The following PPP1R21 variants were observed in gnomAD, a reference collection of about 807,000 sequenced individuals.
PPP1R21 encodes protein phosphatase 1 regulatory subunit 21.
Under a neutral mutation model 112.8 loss-of-function variants are expected in PPP1R21, and 85 were observed. That is an observed-to-expected ratio of 0.75 (90% confidence interval 0.63 to 0.90). The LOEUF (loss-of-function observed/expected upper bound fraction) is 0.90, where lower values mean the gene tolerates loss of function less well. Ranked by LOEUF, PPP1R21 falls within the 40% of genes least tolerant of loss-of-function variation. The pLI, the probability that PPP1R21 is intolerant of heterozygous loss-of-function variation, is 0.00. For missense variants in PPP1R21, 1,199 were observed against 901.5 expected (o/e 1.33, Z -4.23); for synonymous variants, 381 against 322.3 (o/e 1.18, Z -1.95).
At chr2:48,455,089 C>T (rs533793698) in intron 3 of PPP1R21, among the ~76,000 whole-genome samples, 93 of 151,966 alleles carry the variant, frequency 6.1e-4, no homozygotes, top group African/African-American at 2.1e-3. Context: ...CCACCTGCCT[C>T]GGCCTCCCAA....
intron 7 of PPP1R21, 34 bp downstream of exon 7, chr2:48,461,266 A>T: frequency 6.7e-7 from 1 of 1,496,436 alleles, no homozygotes; most frequent in East Asian, 2.6e-5. Flanking sequence ...ATTATTTGTA[A>T]CTTTGAATCT....
intron 9 of PPP1R21, among the ~76,000 whole-genome samples, chr2:48,468,829 A>ATATGTGTG (rs1553339041): frequency 1.1e-4 from 16 of 146,542 alleles, no homozygotes; most frequent in Admixed American, 4.1e-4. Flanking sequence ...AAAAAAATGT[A>ATATGTGTG]TGTGTGTGTG....
In PPP1R21 at chr2:48,469,540, C is replaced by CAT. The variant is rs1437104391; in HGVS notation, c.898-1535_898-1534dup. 5.6e-4 allele frequency among the ~76,000 whole-genome samples: 40 copies of CAT among 71,548 alleles called. 5 individuals carry two copies. Among genetic ancestry groups the CAT allele is most frequent in the African/African-American group, 1.9e-3 (33 of 17,720 alleles). 46.9% of individuals were successfully genotyped at this position (71,548 alleles called of 152,430 possible). ...TATATATATATATATATATATAGAG[C>CAT]ATATATATATATAGAGAGAGAGAGA... On this transcript the variant is annotated intron_variant, in intron 9 of 21. Transcript: ENST00000294952.
At chr2:48,509,991 A>G in intron 19 of PPP1R21, 24 bp from the exon 20 acceptor site, 3 of 1,560,082 alleles carry the variant, frequency 1.9e-6, no homozygotes, top group Non-Finnish European at 2.6e-6. Context: ...CCCTCTAGTA[A>G]TGGAATGTTT....
At chr2:48,485,458 T>C (rs548793192) in intron 13 of PPP1R21, among the ~76,000 whole-genome samples, 1 of 152,314 alleles carries the variant, frequency 6.6e-6, no homozygotes, top group Admixed American at 6.5e-5. Flanking sequence ...CTGTGACAAC[T>C]GTACCATAGT....
At chr2:48,483,862 C>A (rs1208314777) in intron 13 of PPP1R21, among the ~76,000 whole-genome samples, 3 of 151,824 alleles carry the variant, frequency 2.0e-5, no homozygotes, top group East Asian at 1.9e-4. Context: ...TTTTAAATTT[C>A]TTTTTTATAG....
chr2:48,490,969 G>C, intron 14 of PPP1R21, 49 bp from the exon 15 acceptor site: 1 of 1,499,248 alleles, frequency 6.7e-7, no homozygotes, highest in Non-Finnish European at 9.3e-7. Context: ...ATATATTTTA[G>C]ATATATTGTT....
chr2:48,460,147 A>C lies in PPP1R21; in HGVS notation c.593A>C (p.Glu198Ala). ...KEAKECRLRT[E>A]ECQLQLKTLH... is the part of the protein sequence containing the mutation. Reference sequence around the variant, plus strand: ...GCCAAGGAATGTCGACTTCGAACGGAAGAATGGTATGTGGAAACTTGAATT... The same window carrying C: ...GCCAAGGAATGTCGACTTCGAACGGCAGAATGGTATGTGGAAACTTGAATT... Residue 198 changes from glutamate to alanine, a missense_variant, in exon 6 of 22, where the codon GAA becomes GCA. Physicochemically the swap from Glu to Ala is moderately radical, Grantham distance 107. Coordinates refer to ENST00000294952, the MANE Select transcript of PPP1R21 (RefSeq NM_001135629.3). 1 of 1,614,132 alleles carries C rather than the reference A, an allele frequency of 6.2e-7. No individual in the cohort carries two copies. Among genetic ancestry groups the C allele is most frequent in the Non-Finnish European group, 8.5e-7 (1 of 1,180,000 alleles).
chr2:48,480,307 C>T (rs1185218712), intron 13 of PPP1R21, among the ~76,000 whole-genome samples: 1 of 152,174 alleles, frequency 6.6e-6, no homozygotes, highest in Non-Finnish European at 1.5e-5. Flanking sequence ...TGTACAAAAC[C>T]AGACATGCTA....
chr2:48,465,726 T>C, intron 9 of PPP1R21, 84 bp downstream of exon 9: 1 of 1,216,526 alleles, frequency 8.2e-7, no homozygotes, highest in East Asian at 2.5e-5. Context: ...CTGTGCACCA[T>C]CCAAGTACTG....
In PPP1R21 at chr2:48,451,041, G is replaced by A. The variant is rs1667447720; in HGVS notation, c.91G>A (p.Val31Ile). The A allele has an allele frequency of 1.9e-6, 3 of 1,613,740 alleles. No individual in the cohort carries two copies. The highest frequency in any genetic ancestry group is 1.3e-5 in the African/African-American group (1 of 74,912). Residue 31 changes from valine to isoleucine, a missense_variant, in exon 2 of 22, where the codon GTT (valine) becomes ATT (isoleucine). Val to Ile is a conservative substitution (Grantham distance 29, BLOSUM62 3). Transcript: ENST00000294952. ...RAQNQVLKKGVVDEQANSAAL... is the reference protein window; with the variant it reads ...RAQNQVLKKGIVDEQANSAAL... ...TCAGAATCAGGTTCTGAAAAAAGGT[G>A]TTGTGGATGAACAAGCAAATTCTGC...
intron 20 of PPP1R21, among the ~76,000 whole-genome samples, chr2:48,510,756 A>G (rs145392327): frequency 0.015 from 2,269 of 152,358 alleles, 63 homozygotes; most frequent in Admixed American, 0.072. Context: ...ATCGAGGCAT[A>G]GGATGGAGGC....
rs1450622726 is a variant in PPP1R21, at chr2:48,498,741, T to C, written c.1935+6T>C. 2 of 1,613,266 alleles carry C rather than the reference T, an allele frequency of 1.2e-6. No individual in the cohort carries two copies. The highest frequency in any genetic ancestry group is 3.3e-5 in the Admixed American group (2 of 59,986). ...CCATTCAGAGCACCAGTCTAGTAAG[T>C]GTCTTCTTGGTTGTCCTCAGTTTTC... is the stretch of plus-strand genomic sequence containing the variant. On this transcript the variant is annotated splice_donor_region_variant and intron_variant, in intron 17 of 21. Transcript: ENST00000294952.
In PPP1R21 at chr2:48,515,380, T is replaced by C. The variant is rs1164566906; in HGVS notation, c.*636T>C. 11 of 152,190 alleles carry C rather than the reference T, an allele frequency of 7.2e-5. No individual in the cohort carries two copies. Among genetic ancestry groups the C allele is most frequent in the South Asian group, 2.1e-4 (1 of 4,834 alleles). The allele number at this position is 152,190 out of a possible 1,614,324, so 9.4% of individuals were successfully genotyped here. On this transcript the variant is annotated 3_prime_UTR_variant, in exon 22 of 22. Transcript: ENST00000294952. ...GTTCATGTCAATAAATTCATACTTA[T>C]ATCACACTTTCAGTCTCTCTATTAA...
intron 12 of PPP1R21, among the ~76,000 whole-genome samples, chr2:48,478,495 C>CT (rs1218143091): frequency 7.9e-5 from 12 of 152,238 alleles, no homozygotes; most frequent in Non-Finnish European, 1.5e-4. Flanking sequence ...TTCACTGTCT[C>CT]TTTCACTGAT....
intron 11 of PPP1R21, among the ~76,000 whole-genome samples, chr2:48,473,255 A>G (rs1212627503): frequency 1.3e-5 from 2 of 152,110 alleles, no homozygotes; most frequent in Non-Finnish European, 2.9e-5. Flanking sequence ...ATTATGAACT[A>G]ATAGTTTTAT....
intron 15 of PPP1R21, among the ~76,000 whole-genome samples, chr2:48,493,659 A>T (rs1017204842): frequency 4.6e-5 from 7 of 152,206 alleles, no homozygotes; most frequent in Non-Finnish European, 1.0e-4. Flanking sequence ...CTGATATAAG[A>T]TGTCAAAGAA....
At chr2:48,470,078 G>A (rs1299063487) in intron 9 of PPP1R21, among the ~76,000 whole-genome samples, 2 of 152,092 alleles carry the variant, frequency 1.3e-5, no homozygotes, top group Non-Finnish European at 2.9e-5. Context: ...GAGCTATTAT[G>A]TAACATTAGA....
In PPP1R21 at chr2:48,498,685, G is replaced by A. The variant is rs1230428701; in HGVS notation, c.1885G>A (p.Asp629Asn). 1.9e-6 allele frequency: 3 copies of A among 1,614,102 alleles called. No individual in the cohort carries two copies. The highest frequency in any genetic ancestry group is 2.5e-6 in the Non-Finnish European group (3 of 1,180,052). ...TGCTGTGTCAAATACTGCTGGCCAGGATGAAGCCACAGCTAAGGCTGTGTT... is the reference window on the plus strand; with the variant it reads ...TGCTGTGTCAAATACTGCTGGCCAGAATGAAGCCACAGCTAAGGCTGTGTT... ...NAAVSNTAGQ[D>N]EATAKAVLEP... The change falls in exon 17 of 22, where the codon GAT becomes AAT. Residue 629 changes from aspartate to asparagine, a missense_variant. Coordinates refer to ENST00000294952, the MANE Select transcript of PPP1R21 (RefSeq NM_001135629.3).
Sources: gnomAD v4.1 joint callset for allele counts (sites outside exome capture counted in the v4.1 genomes callset) on GRCh38, gnomAD v4.1.1 for gene constraint, MANE v1.5 for transcripts, NCBI Gene and HGNC (gene_info 2026-07-23, HGNC 2026-07-21) for gene names.